Variants in TGFBR3 observed in about 807,000 individuals in gnomAD.
The protein encoded by TGFBR3 is transforming growth factor beta receptor 3.
TGFBR3 carries 46 observed loss-of-function variants against 87.9 expected under a neutral mutation model. The observed-to-expected ratio is 0.52, with a 90% CI of 0.41 to 0.67. The LOEUF is 0.67. Among genes scored for constraint, TGFBR3 ranks in the 30% least tolerant of loss-of-function variants. TGFBR3 has a pLI of 0.00. For missense variants in TGFBR3, 866 were observed against 1,041.9 expected, an observed-to-expected ratio of 0.83 and a Z score of 2.32; for synonymous variants, 381 against 391.6, an observed-to-expected ratio of 0.97 and a Z score of 0.32.
rs369559704 is a variant in TGFBR3, at chr1:91,722,073, G to A, written c.957C>T (p.Asp319=). The change falls in exon 8 of 17, where the codon GAC becomes GAT. Residue 319 remains aspartate, a synonymous_variant. Coordinates refer to ENST00000212355, the MANE Select transcript of TGFBR3 (RefSeq NM_003243.5). The part of the protein sequence containing the change: ...SMTMTKSIRD[D]IPSTQGNLVK... ...CCAGATTCCCTTGGGTTGAAGGAAT[G>A]TCATCTCTTATTGATTTGGTCATTG... The A allele has an allele frequency of 6.2e-7, 1 of 1,613,900 alleles. No homozygotes were observed. Among genetic ancestry groups the A allele is most frequent in the Non-Finnish European group, 8.5e-7 (1 of 1,179,914 alleles).
At chr1:91,780,451 T>C (rs1333483595) in intron 3 of TGFBR3, among the ~76,000 whole-genome samples, 1 of 151,652 alleles carries the variant, frequency 6.6e-6, no homozygotes, top group Non-Finnish European at 1.5e-5. Flanking sequence ...GGGGCTTCCC[T>C]GAGAGCAGTG....
At chr1:91,865,401 T>C (rs1217559172) in intron 1 of TGFBR3, among the ~76,000 whole-genome samples, 2 of 151,754 alleles carry the variant, frequency 1.3e-5, no homozygotes, top group African/African-American at 4.8e-5. Context: ...TGTATACCTA[T>C]GTAACAAACC....
chr1:91,727,515 C>G (rs1571447146), intron 7 of TGFBR3, 144 bp downstream of exon 7: 2 of 1,009,602 alleles, frequency 2.0e-6, no homozygotes, highest in Non-Finnish European at 2.9e-6. Flanking sequence ...TTTATAGGAG[C>G]ATGCTATTTT....
At chr1:91,703,762 T>C (rs748786967) in intron 14 of TGFBR3, among the ~76,000 whole-genome samples, 11 of 152,294 alleles carry the variant, frequency 7.2e-5, no homozygotes, top group Middle Eastern at 3.4e-3. Flanking sequence ...GAAAATAGGG[T>C]AGGATGGCAC....
At chr1:91,781,085 T>C (rs1674752159) in intron 3 of TGFBR3, among the ~76,000 whole-genome samples, 1 of 152,180 alleles carries the variant, frequency 6.6e-6, no homozygotes, top group South Asian at 2.1e-4. Flanking sequence ...TCCTATACCC[T>C]TTTAAGTATA....
chr1:91,810,364 C>A (rs988319935), intron 2 of TGFBR3, among the ~76,000 whole-genome samples: 1 of 152,124 alleles, frequency 6.6e-6, no homozygotes, highest in Non-Finnish European at 1.5e-5. Flanking sequence ...TGGCCCAGAA[C>A]TACACTTTTG....
intron 3 of TGFBR3, among the ~76,000 whole-genome samples, chr1:91,778,773 T>C (rs1674661653): frequency 6.6e-6 from 1 of 152,216 alleles, no homozygotes; most frequent in Non-Finnish European, 1.5e-5. Context: ...GATGATATAC[T>C]AGCAGAAGAG....
At chr1:91,855,457 G>A (rs1343152246) in intron 2 of TGFBR3, among the ~76,000 whole-genome samples, 2 of 152,150 alleles carry the variant, frequency 1.3e-5, no homozygotes, top group African/African-American at 4.8e-5. Flanking sequence ...TAAAACTCCT[G>A]GAAACATAGC....
chr1:91,762,848 G>T (rs1205487830), intron 3 of TGFBR3, among the ~76,000 whole-genome samples: 1 of 152,234 alleles, frequency 6.6e-6, no homozygotes, highest in African/African-American at 2.4e-5. Flanking sequence ...TCTTCTGAGT[G>T]TTTTTCTGGG....
At chr1:91,867,801 G>C (rs1240994251) in intron 1 of TGFBR3, among the ~76,000 whole-genome samples, 1 of 152,166 alleles carries the variant, frequency 6.6e-6, no homozygotes, top group Non-Finnish European at 1.5e-5. Context: ...CATTGGAAAA[G>C]TCATTTAGCC....
Position 91,729,881 on chromosome 1 carries a change from A to T in TGFBR3, c.661T>A (p.Cys221Ser). ...TTCTGGGGCTGGCTGGACATCACAC[A>T]CCCTTCTGCTGCTTTGGGTTGAAGG... is the stretch of plus-strand genomic sequence containing the variant. ...EYLQPKAAEG[C>S]VMSSQPQNEE... Residue 221 changes from cysteine to serine, a missense_variant, in exon 6 of 17, where the codon TGT becomes AGT. Transcript: ENST00000212355. The T allele has an allele frequency of 6.2e-7, 1 of 1,613,996 alleles. No individual in the cohort carries two copies. Among genetic ancestry groups the T allele is most frequent in the East Asian group, 2.2e-5 (1 of 44,860 alleles).
At chr1:91,804,800 G>A (rs1339725602) in intron 2 of TGFBR3, among the ~76,000 whole-genome samples, 2 of 152,146 alleles carry the variant, frequency 1.3e-5, no homozygotes, top group African/African-American at 4.8e-5. Flanking sequence ...CAAAAGGCTG[G>A]GAGTGTCTCC....
intron 3 of TGFBR3, among the ~76,000 whole-genome samples, chr1:91,778,249 G>A (rs865939857): frequency 6.0e-4 from 91 of 151,666 alleles, no homozygotes; most frequent in African/African-American, 1.9e-3. Context: ...ACTGAATGCT[G>A]AGGGTTTCTT....
intron 1 of TGFBR3, among the ~76,000 whole-genome samples, chr1:91,865,594 G>C (rs1054659216): frequency 6.6e-6 from 1 of 152,192 alleles, no homozygotes; most frequent in Non-Finnish European, 1.5e-5. Context: ...AGAACACTTA[G>C]TATTCATCAA....
intron 16 of TGFBR3, among the ~76,000 whole-genome samples, chr1:91,691,936 T>G (rs1671278619): frequency 6.6e-6 from 1 of 152,014 alleles, no homozygotes; most frequent in South Asian, 2.1e-4. Flanking sequence ...AGGCGGAGCT[T>G]GCAGTGAGCC....
At chr1:91,828,034 T>G (rs899943929) in intron 2 of TGFBR3, among the ~76,000 whole-genome samples, 1 of 152,226 alleles carries the variant, frequency 6.6e-6, no homozygotes, top group Non-Finnish European at 1.5e-5. Context: ...TTATCTTGGT[T>G]AATCATCTAC....
chr1:91,787,167 G>A (rs1473895585), intron 3 of TGFBR3, among the ~76,000 whole-genome samples: 1 of 152,104 alleles, frequency 6.6e-6, no homozygotes, highest in East Asian at 1.9e-4. Context: ...TGGGCGTGGT[G>A]GCACATGCCT....
intron 8 of TGFBR3, among the ~76,000 whole-genome samples, chr1:91,721,440 G>C (rs1259394398): frequency 6.6e-6 from 1 of 152,064 alleles, no homozygotes; most frequent in African/African-American, 2.4e-5. Flanking sequence ...ACAGGTCTAG[G>C]GATCACAAAA....
At chr1:91,695,082 C>T (rs1289138917) in intron 16 of TGFBR3, among the ~76,000 whole-genome samples, 1 of 147,358 alleles carries the variant, frequency 6.8e-6, no homozygotes, top group East Asian at 2.0e-4. Context: ...GGGATAATAG[C>T]TTGAAAATGA....
Sources: gnomAD v4.1 joint callset for allele counts (sites outside exome capture counted in the v4.1 genomes callset) on GRCh38, gnomAD v4.1.1 for gene constraint, MANE v1.5 for transcripts, NCBI Gene and HGNC (gene_info 2026-07-23, HGNC 2026-07-21) for gene names.